Variants in GABRG3 observed in about 807,000 individuals in gnomAD.
GABRG3 encodes gamma-aminobutyric acid receptor subunit gamma-3.
A neutral mutation model predicts 48.8 loss-of-function variants in GABRG3; 25 were observed. The observed-to-expected ratio is 0.51, with a 90% confidence interval of 0.37 to 0.72. The LOEUF (loss-of-function observed/expected upper bound fraction) is 0.72, where lower values mean the gene tolerates loss of function less well. Among genes scored for constraint, GABRG3 ranks in the 30% least tolerant of loss-of-function variants. GABRG3 has a pLI of 0.00. For synonymous variants in GABRG3, 227 were observed against 217.6 expected (o/e 1.04, Z -0.38); for missense variants, 394 against 577.9 (o/e 0.68, Z 3.26).
chr15:27,443,647 T>G lies in GABRG3; in HGVS notation c.575-37003T>G, dbSNP rs186285231. On this transcript the variant is annotated intron_variant, in intron 5 of 9. Transcript: ENST00000615808. ...ACACCTGCATTTTATTTCTTCTCCT[T>G]GTCTGATTGAACTTTCTAGAATGTC... Among the ~76,000 whole-genome samples, 13 of 152,326 alleles carry G rather than the reference T, an allele frequency of 8.5e-5. No homozygotes were observed. In the East Asian group the frequency reaches 2.5e-3, roughly 29 times the overall value.
At chr15:27,368,321 G>T (rs1015031781) in intron 5 of GABRG3, among the ~76,000 whole-genome samples, 2 of 152,180 alleles carry the variant, frequency 1.3e-5, no homozygotes, top group Non-Finnish European at 2.9e-5. Context: ...AGGTGGACAC[G>T]CACACATACA....
rs548530224 is a variant in GABRG3, at chr15:27,013,970, T to C, written c.203-12784T>C. Among the ~76,000 whole-genome samples, 4 of 152,238 alleles carry C rather than the reference T, an allele frequency of 2.6e-5. No individual in the cohort carries two copies. The East Asian group carries it at 5.8e-4, about 22-fold the overall frequency. ...GAATAGGACTGACATCTTAACAATA[T>C]TAGGCCTTCCAATCTGTGAAAGCAA... On this transcript the variant is annotated intron_variant, in intron 2 of 9. Transcript: ENST00000615808.
At chr15:27,020,575 CTAATTT>C (rs1566911064) in intron 2 of GABRG3, among the ~76,000 whole-genome samples, 2 of 106,642 alleles carry the variant, frequency 1.9e-5, no homozygotes, top group African/African-American at 7.8e-5. Flanking sequence ...CCACGCCCGG[CTAATTT>C]TTTTTTTTTG....
chr15:27,525,876 A>C (rs995542044), intron 7 of GABRG3, among the ~76,000 whole-genome samples: 3 of 152,166 alleles, frequency 2.0e-5, no homozygotes, highest in Non-Finnish European at 2.9e-5. Context: ...TGATGGGTTG[A>C]TAGGTGCAGC....
chr15:27,528,720 G>A (rs1312357162), intron 9 of GABRG3, among the ~76,000 whole-genome samples: 2 of 151,802 alleles, frequency 1.3e-5, no homozygotes, highest in South Asian at 4.2e-4. Context: ...ATTGTCACTC[G>A]TTTATTTTTG....
intron 3 of GABRG3, among the ~76,000 whole-genome samples, chr15:27,141,386 G>A (rs1468514589): frequency 2.6e-5 from 4 of 152,182 alleles, no homozygotes; most frequent in Non-Finnish European, 5.9e-5. Flanking sequence ...AAGGAGGAAG[G>A]AACTGGAAAC....
At chr15:27,521,250 A>C (rs761856908) in intron 7 of GABRG3, among the ~76,000 whole-genome samples, 2 of 152,188 alleles carry the variant, frequency 1.3e-5, no homozygotes, top group Admixed American at 6.5e-5. Flanking sequence ...TTATAGCCAG[A>C]AGAATTGAGG....
intron 5 of GABRG3, among the ~76,000 whole-genome samples, chr15:27,410,800 T>A (rs1293490763): frequency 1.3e-5 from 2 of 151,874 alleles, no homozygotes; most frequent in Non-Finnish European, 2.9e-5. Context: ...TAGCACTTTG[T>A]TGAGCAGGTT....
chr15:27,133,345 C>A (rs1897953992), intron 3 of GABRG3, among the ~76,000 whole-genome samples: 1 of 152,072 alleles, frequency 6.6e-6, no homozygotes, highest in African/African-American at 2.4e-5. Flanking sequence ...TCGGGTTCTC[C>A]ACTTCCACAT....
intron 3 of GABRG3, among the ~76,000 whole-genome samples, chr15:27,207,654 G>A (rs1434573067): frequency 6.6e-6 from 1 of 152,162 alleles, no homozygotes; most frequent in Non-Finnish European, 1.5e-5. Flanking sequence ...GGGGACACCA[G>A]GGGGGCACAG....
rs535335513 is a variant in GABRG3 at position 27,471,545 on chromosome 15, T to G, written c.575-9105T>G. Reference sequence around the variant, plus strand: ...ATAAACTAAATTTTCCCCAAAGTTATTTTAGCCCATGCTCAGGTGAACACA... The same window carrying G: ...ATAAACTAAATTTTCCCCAAAGTTAGTTTAGCCCATGCTCAGGTGAACACA... On this transcript the variant is annotated intron_variant, in intron 5 of 9. Transcript: ENST00000615808. Among the ~76,000 whole-genome samples, 6 of 152,300 alleles carry G rather than the reference T, an allele frequency of 3.9e-5. No individual in the cohort carries two copies. In the South Asian group the frequency reaches 1.2e-3, roughly 32 times the overall value.
chr15:27,087,660 G>A (rs1897100926), intron 3 of GABRG3, among the ~76,000 whole-genome samples: 1 of 152,142 alleles, frequency 6.6e-6, no homozygotes, highest in Admixed American at 6.5e-5. Flanking sequence ...ATGCATCTGT[G>A]TGTGCATATG....
At chr15:27,096,319 G>A (rs1176362819) in intron 3 of GABRG3, among the ~76,000 whole-genome samples, 2 of 152,324 alleles carry the variant, frequency 1.3e-5, no homozygotes, top group Admixed American at 6.5e-5. Flanking sequence ...GTGCAGTAAA[G>A]GGATAAAACA....
intron 2 of GABRG3, among the ~76,000 whole-genome samples, chr15:27,004,767 A>T (rs774677588): frequency 1.1e-4 from 16 of 152,362 alleles, no homozygotes; most frequent in Middle Eastern, 3.4e-3. Flanking sequence ...AACAACACCA[A>T]TGCAGAAATT....
chr15:27,331,007 A>G (rs1402770079), intron 5 of GABRG3, among the ~76,000 whole-genome samples: 1 of 152,232 alleles, frequency 6.6e-6, no homozygotes, highest in Non-Finnish European at 1.5e-5. Flanking sequence ...GTTCAGGAAT[A>G]GTATGAAAGA....
intron 5 of GABRG3, among the ~76,000 whole-genome samples, chr15:27,426,270 C>T (rs947301797): frequency 6.6e-6 from 1 of 152,150 alleles, no homozygotes; most frequent in Non-Finnish European, 1.5e-5. Flanking sequence ...CCTGATAAAG[C>T]AGGCCTCGTT....
chr15:27,061,980 C>T (rs1182453007), intron 3 of GABRG3, among the ~76,000 whole-genome samples: 1 of 152,154 alleles, frequency 6.6e-6, no homozygotes, highest in African/African-American at 2.4e-5. Context: ...CTGAAATCAG[C>T]CTCCTCCTTC....
At chr15:27,023,320 A>G (rs567771438) in intron 2 of GABRG3, among the ~76,000 whole-genome samples, 2 of 152,292 alleles carry the variant, frequency 1.3e-5, no homozygotes, top group South Asian at 2.1e-4. Context: ...TACACATAAC[A>G]TGAAATTTGC....
chr15:27,400,395 A>G (rs913998495), intron 5 of GABRG3, among the ~76,000 whole-genome samples: 1 of 152,188 alleles, frequency 6.6e-6, no homozygotes, highest in African/African-American at 2.4e-5. Context: ...AAAGTTTCCA[A>G]TTAATTTATC....
Sources: allele counts gnomAD v4.1 joint callset (sites outside exome capture counted in the v4.1 genomes callset), GRCh38; gene constraint gnomAD v4.1.1; transcripts MANE v1.5; gene names NCBI Gene and HGNC (gene_info 2026-07-23, HGNC 2026-07-21).